The following PHACTR2 variants were observed in gnomAD, a reference collection of about 807,000 sequenced individuals.
PHACTR2 encodes phosphatase and actin regulator 2.
In PHACTR2, 30 loss-of-function variants were observed where a neutral mutation model predicts 76.0. That is an observed-to-expected ratio of 0.39 (90% confidence interval 0.30 to 0.54). PHACTR2 has a LOEUF of 0.54. PHACTR2 is among the 20% of genes least tolerant of loss of function. The pLI, the probability that PHACTR2 is intolerant of heterozygous loss-of-function variation, is 0.61. For missense variants in PHACTR2, 696 were observed against 781.1 expected (o/e 0.89, Z 1.30); for synonymous variants, 292 against 292.5 (o/e 1.00, Z 0.02).
chr6:143,758,860 G>C (rs1028171642), intron 4 of PHACTR2, among the ~76,000 whole-genome samples: 1 of 152,046 alleles, frequency 6.6e-6, no homozygotes, highest in Non-Finnish European at 1.5e-5. Context: ...GGATTGATGG[G>C]GAATGTGGTT....
At chr6:143,694,380 G>A (rs1471716238) in intron 1 of PHACTR2, among the ~76,000 whole-genome samples, 2 of 152,158 alleles carry the variant, frequency 1.3e-5, no homozygotes, top group African/African-American at 2.4e-5. Flanking sequence ...ATCGAGTAAT[G>A]TTCAGGAAAG....
rs1378602923 is a variant in PHACTR2 at position 143,767,079 on chromosome 6, C to T, written c.1232+1281C>T. On this transcript the variant is annotated intron_variant, in intron 6 of 12. Transcript: ENST00000440869. This position sits in a 1 kb window ranked among gnomAD's most constrained non-coding sequence, Gnocchi z 4.4. Reference sequence around the variant, plus strand: ...AGAAACTAAAATATCAACTTTAATTCTTTAATTGCTAATGATAATAACCTT... The same window carrying T: ...AGAAACTAAAATATCAACTTTAATTTTTTAATTGCTAATGATAATAACCTT... 6.6e-6 allele frequency among the ~76,000 whole-genome samples: 1 copy of T among 152,176 alleles called. No homozygotes were observed. Among genetic ancestry groups the T allele is most frequent in the African/African-American group, 2.4e-5 (1 of 41,438 alleles).
chr6:143,718,922 ATCC>A (rs1778370326), intron 2 of PHACTR2, among the ~76,000 whole-genome samples: 1 of 137,606 alleles, frequency 7.3e-6, no homozygotes, highest in Non-Finnish European at 1.5e-5. Context: ...TCGCTCTGTC[ATCC>A]AAGCTGGAGT....
At chr6:143,723,464 T>C (rs1778488072) in intron 2 of PHACTR2, among the ~76,000 whole-genome samples, 1 of 152,218 alleles carries the variant, frequency 6.6e-6, no homozygotes, top group African/African-American at 2.4e-5. Context: ...TATGCAAGGC[T>C]GTCATCTCTA....
Position 143,617,472 on chromosome 6 carries a change from G to C in PHACTR2, c.13+9150G>C, listed in dbSNP as rs1193612530. 6.6e-6 allele frequency among the ~76,000 whole-genome samples: 1 copy of C among 152,176 alleles called. No individual in the cohort carries two copies. Among genetic ancestry groups the C allele is most frequent in the Non-Finnish European group, 1.5e-5 (1 of 68,038 alleles). ...GGAAATCTTTTAAATACCCATCTCT[G>C]TGCCCCACCCTAGACAAATTCAGTC... On this transcript the variant is annotated intron_variant, in intron 1 of 11. Transcript: ENST00000305766. This position sits in a 1 kb window ranked among gnomAD's most constrained non-coding sequence, Gnocchi z 4.8.
At chr6:143,786,682 G>T (rs930664330) in intron 10 of PHACTR2, among the ~76,000 whole-genome samples, 1 of 152,192 alleles carries the variant, frequency 6.6e-6, no homozygotes, top group African/African-American at 2.4e-5. Context: ...GGAGGCAAAA[G>T]GCATTTCTTA....
At chr6:143,552,618 T>G (rs1775108629) in intron 1 of PHACTR2, among the ~76,000 whole-genome samples, 1 of 151,964 alleles carries the variant, frequency 6.6e-6, no homozygotes, top group African/African-American at 2.4e-5. Context: ...AAAAAAAAAT[T>G]GAAGGCTGGA....
In PHACTR2 at chr6:143,678,310, C is replaced by T. The variant is rs997835836; in HGVS notation, c.46+101C>T. The T allele has an allele frequency of 8.9e-7, 1 of 1,127,834 alleles. No individual in the cohort carries two copies. Among genetic ancestry groups the T allele is most frequent in the Admixed American group, 4.1e-5 (1 of 24,318 alleles). The allele number at this position is 1,127,834 out of a possible 1,614,324, so 69.9% of individuals were successfully genotyped here. On this transcript the variant is annotated intron_variant, in intron 1 of 12. Coordinates refer to ENST00000440869, the MANE Select transcript of PHACTR2 (RefSeq NM_001100164.2). The surrounding 1 kb of genome is among the most constrained non-coding windows in gnomAD (Gnocchi z 6.2). ...GTTAGTCGTCTGGTCGGGTTCCGCT[C>T]GGACCCGCCAAGTCCCTCGGAGAAA...
Position 143,826,930 on chromosome 6 carries a change from T to C in PHACTR2, c.*3241T>C, listed in dbSNP as rs186255331. 20 of 151,972 alleles carry C rather than the reference T, an allele frequency of 1.3e-4. No homozygotes were observed. Among genetic ancestry groups the C allele is most frequent in the Admixed American group, 1.3e-3 (20 of 15,246 alleles). The allele number at this position is 151,972 out of a possible 1,614,324, so 9.4% of individuals were successfully genotyped here. On this transcript the variant is annotated 3_prime_UTR_variant, in exon 13 of 13. Coordinates refer to ENST00000440869, the MANE Select transcript of PHACTR2 (RefSeq NM_001100164.2). The stretch of plus-strand genomic sequence containing the variant: ...ATCTTCATATTGTTTAGTAGCATAA[T>C]GAGAGTAGTCCTTTATCTTTCTCTA...
rs1409186896 is a variant in PHACTR2, at chr6:143,648,810, A to G, written c.13+40488A>G. Among the ~76,000 whole-genome samples the G allele has an allele frequency of 3.3e-5, 5 of 150,914 alleles. No individual in the cohort carries two copies. The highest frequency in any genetic ancestry group is 2.1e-4 in the South Asian group (1 of 4,750). Reference sequence around the variant, plus strand: ...TCTCTGTGTGTGTCTGTGTATGTCTATGTGTATATCTGTGTGTATACAAGT... The same window carrying G: ...TCTCTGTGTGTGTCTGTGTATGTCTGTGTGTATATCTGTGTGTATACAAGT... On this transcript the variant is annotated intron_variant, in intron 1 of 11. Coordinates refer to the PHACTR2 transcript ENST00000305766. The surrounding 1 kb of genome is among the most constrained non-coding windows in gnomAD (Gnocchi z 6.7).
chr6:143,728,215 TC>T (rs774351808), intron 2 of PHACTR2, among the ~76,000 whole-genome samples: 3,887 of 123,794 alleles, frequency 0.031, 107 homozygotes, highest in South Asian at 0.091. Context: ...TTTTTTTCTT[TC>T]TTTTTTTTTT....
intron 1 of PHACTR2, among the ~76,000 whole-genome samples, chr6:143,613,730 T>C (rs1324963068): frequency 2.6e-5 from 4 of 152,148 alleles, no homozygotes; most frequent in East Asian, 1.9e-4. Context: ...AGAAAAGATA[T>C]AAAGCACAAG....
intron 1 of PHACTR2, among the ~76,000 whole-genome samples, chr6:143,559,811 A>G (rs113256673): frequency 0.01 from 1,395 of 138,094 alleles, 27 homozygotes; most frequent in African/African-American, 0.037. Flanking sequence ...CCCAGGTTCA[A>G]TCGATTCTCC....
Position 143,549,535 on chromosome 6 carries a change from T to C in PHACTR2, c.217+12328T>C, listed in dbSNP as rs1168150934. Reference sequence around the variant, plus strand: ...CACAGGCAATGGCAAGATGAGAATGTTTGCCCAAGCCCAGGAACCTGCTGG... The same window carrying C: ...CACAGGCAATGGCAAGATGAGAATGCTTGCCCAAGCCCAGGAACCTGCTGG... On this transcript the variant is annotated intron_variant, in intron 1 of 11. Coordinates refer to the PHACTR2 transcript ENST00000367584. The surrounding 1 kb of genome is among the most constrained non-coding windows in gnomAD (Gnocchi z 4.2). Among the ~76,000 whole-genome samples, 1 of 151,924 alleles carries C rather than the reference T, an allele frequency of 6.6e-6. No individual in the cohort carries two copies. Among genetic ancestry groups the C allele is most frequent in the Non-Finnish European group, 1.5e-5 (1 of 67,934 alleles).
In PHACTR2 at chr6:143,761,020, TTTCAAAATATC is replaced by T. The variant is rs1201273378; in HGVS notation, c.694+382_694+392del. Among the ~76,000 whole-genome samples the T allele has an allele frequency of 6.6e-6, 1 of 152,228 alleles. No homozygotes were observed. Among genetic ancestry groups the T allele is most frequent in the Non-Finnish European group, 1.5e-5 (1 of 68,024 alleles). On this transcript the variant is annotated intron_variant, in intron 5 of 12. Transcript: ENST00000440869. The surrounding 1 kb of genome is among the most constrained non-coding windows in gnomAD (Gnocchi z 5.2). Reference sequence around the variant, plus strand: ...GGGTGGCTTTTTGGCTTGGATTTTCTTTCAAAATATCTAAGGTTTGCATATAAAAATGTGAC... The same window carrying T: ...GGGTGGCTTTTTGGCTTGGATTTTCTTAAGGTTTGCATATAAAAATGTGAC...
At chr6:143,670,590 T>A (rs554355492) in intron 1 of PHACTR2, among the ~76,000 whole-genome samples, 2 of 152,250 alleles carry the variant, frequency 1.3e-5, no homozygotes, top group South Asian at 4.1e-4. Flanking sequence ...TGTTTCATTA[T>A]GTTGATCCTC....
intron 1 of PHACTR2, among the ~76,000 whole-genome samples, chr6:143,701,657 G>A (rs1777915092): frequency 6.6e-6 from 1 of 152,148 alleles, no homozygotes; most frequent in South Asian, 2.1e-4. Flanking sequence ...TTTAAATCCT[G>A]CTTACCAGCT....
Position 143,774,050 on chromosome 6 carries a change from A to G in PHACTR2, c.1433-9A>G. The G allele has an allele frequency of 6.2e-7, 1 of 1,611,448 alleles. No homozygotes were observed. Among genetic ancestry groups the G allele is most frequent in the Non-Finnish European group, 8.5e-7 (1 of 1,178,716 alleles). On this transcript the variant is annotated splice_polypyrimidine_tract_variant and intron_variant, in intron 7 of 12. Coordinates refer to ENST00000440869, the MANE Select transcript of PHACTR2 (RefSeq NM_001100164.2). This position sits in a 1 kb window ranked among gnomAD's most constrained non-coding sequence, Gnocchi z 5.4. ...TCTCTCTGCATTTCTGCTCTTTTTC[A>G]ATCCTCAGGTGCTTTGGCAAGTAAA...
At chr6:143,613,735 C>A (rs1776016734) in intron 1 of PHACTR2, among the ~76,000 whole-genome samples, 1 of 152,108 alleles carries the variant, frequency 6.6e-6, no homozygotes, top group Admixed American at 6.5e-5. Flanking sequence ...AGATATAAAG[C>A]ACAAGCAAAA....
Sources: allele counts gnomAD v4.1 joint callset (sites outside exome capture counted in the v4.1 genomes callset), GRCh38; gene constraint gnomAD v4.1.1; non-coding constraint Gnocchi (gnomAD v3.1); transcripts MANE v1.5; gene names NCBI Gene and HGNC (gene_info 2026-07-23, HGNC 2026-07-21).